The following SETD1A variants were observed in gnomAD, a reference collection of about 807,000 sequenced individuals.
The protein encoded by SETD1A is histone-lysine N-methyltransferase SETD1A.
Under a neutral mutation model 149.9 loss-of-function variants are expected in SETD1A, and 29 were observed. The observed-to-expected ratio is 0.19, with a 90% CI of 0.14 to 0.26. The LOEUF (loss-of-function observed/expected upper bound fraction) is 0.26. SETD1A is among the 10% of genes least tolerant of loss of function. The pLI is 1.00. For synonymous variants in SETD1A, 1,141 were observed against 968.5 expected (o/e 1.18, Z -3.31); for missense variants, 2,109 against 2,353.1 (o/e 0.90, Z 2.15).
Position 30,979,219 on chromosome 16 carries a change from C to A in SETD1A, c.3433C>A (p.Pro1145Thr). ...EPPAGPPAPA[P>T]RPDERPSSPI... ...ACCTGCTGGGCCCCCGGCCCCTGCC[C>A]CACGCCCCGATGAGCGTCCCTCTTC... Residue 1145 changes from proline (P) to threonine (T), a missense_variant, in exon 14 of 19, where the codon CCA (proline) becomes ACA (threonine). Pro to Thr is a conservative substitution (Grantham distance 38). Transcript: ENST00000262519. 1.3e-6 allele frequency: 2 copies of A among 1,588,180 alleles called. No homozygotes were observed. The highest frequency in any genetic ancestry group is 1.7e-6 in the Non-Finnish European group (2 of 1,166,348).
chr16:30,980,759 C>A lies in SETD1A; in HGVS notation c.4602C>A (p.Ser1534=). 6.2e-7 allele frequency: 1 copy of A among 1,612,790 alleles called. No homozygotes were observed. The highest frequency in any genetic ancestry group is 1.1e-5 in the South Asian group (1 of 91,018). Residue 1534 remains serine (S), a synonymous_variant, in exon 16 of 19, where the codon TCC becomes TCA. Coordinates refer to ENST00000262519, the MANE Select transcript of SETD1A (RefSeq NM_014712.3). The surrounding 1 kb of genome is among the most constrained non-coding windows in gnomAD (Gnocchi z 7.7). ...CACAGGGGACGAACCGCGTGCTGTC[C>A]GAGCGCCGGTCCGAGCAGCGGCGGC... is the stretch of plus-strand genomic sequence containing the variant. ...VDTQGTNRVL[S]ERRSEQRRLL...
At chr16:30,960,567 A>G (rs1023545374) in intron 3 of SETD1A, among the ~76,000 whole-genome samples, 1 of 152,078 alleles carries the variant, frequency 6.6e-6, no homozygotes, top group Non-Finnish European at 1.5e-5. Flanking sequence ...TGTGCATGTC[A>G]TGCTGCTTTT....
Position 30,971,392 on chromosome 16 carries a change from A to C in SETD1A, c.3031A>C (p.Ser1011Arg). 6.3e-7 allele frequency: 1 copy of C among 1,582,830 alleles called. No individual in the cohort carries two copies. The highest frequency in any genetic ancestry group is 8.6e-7 in the Non-Finnish European group (1 of 1,159,114). Residue 1011 changes from serine (S) to arginine (R), a missense_variant, in exon 13 of 19, where the codon AGC (serine) becomes CGC (arginine). Ser to Arg is a moderately radical substitution (Grantham distance 110). Around this residue, in one of 8 missense-constraint regions of SETD1A, gnomAD observed 832 missense variants for 815.6 expected, o/e 1.02. Transcript: ENST00000262519. ...TGGATTTCCAGGCGAGGACGAGGAA[A>C]GCGATTCGTCTTCCAAATGTTCTCT... Reference protein sequence around the residue: ...TEVSDGEDEESDSSSKCSLYA... With the variant: ...TEVSDGEDEERDSSSKCSLYA...
At chr16:30,970,197 G>T (rs2056207541) in intron 12 of SETD1A, among the ~76,000 whole-genome samples, 2 of 151,254 alleles carry the variant, frequency 1.3e-5, no homozygotes, top group Admixed American at 1.3e-4. Context: ...TTGAACTCCT[G>T]AGCTCAGGCG....
rs141016327 is a variant in SETD1A, at chr16:30,966,997, G to A, written c.2619G>A (p.Thr873=). 214 of 1,597,422 alleles carry A rather than the reference G, an allele frequency of 1.3e-4. No individual in the cohort carries two copies. The highest frequency in any genetic ancestry group is 1.6e-4 in the Non-Finnish European group (193 of 1,172,814). The part of the protein sequence containing the change: ...LVDWAKSGGT[T]GIEAFAFGSG... Reference sequence around the variant, plus strand: ...ACTGGGCCAAGAGCGGGGGCACTACGGGCATCGAGGCTTTCGCCTTTGGGT... The same window carrying A: ...ACTGGGCCAAGAGCGGGGGCACTACAGGCATCGAGGCTTTCGCCTTTGGGT... The change falls in exon 9 of 19, where the codon ACG becomes ACA. Residue 873 remains threonine, a synonymous_variant. Coordinates refer to ENST00000262519, the MANE Select transcript of SETD1A (RefSeq NM_014712.3).
chr16:30,980,273 C>G lies in SETD1A; in HGVS notation c.4408+79C>G. 6.7e-7 allele frequency: 1 copy of G among 1,485,128 alleles called. No homozygotes were observed. The highest frequency in any genetic ancestry group is 9.0e-7 in the Non-Finnish European group (1 of 1,114,436). 92.0% of individuals were successfully genotyped at this position (1,485,128 alleles called of 1,614,324 possible). On this transcript the variant is annotated intron_variant, in intron 14 of 18. Transcript: ENST00000262519. The surrounding 1 kb of genome is among the most constrained non-coding windows in gnomAD (Gnocchi z 7.7). ...CAGGCACCTGCATCTGTGCCCCACT[C>G]TGTCTGCCTCCCCTCTGGCTCCAAG...
chr16:30,958,008 G>C (rs1028339738), intron 1 of SETD1A, 44 bp downstream of exon 1: 1 of 151,868 alleles, frequency 6.6e-6, no homozygotes, highest in Non-Finnish European at 1.5e-5. Context: ...GTGGTGGTGG[G>C]GGGGCGCCGC....
rs966415115 is a variant in SETD1A, at chr16:30,979,845, A to G, written c.4059A>G (p.Gln1353=). The G allele has an allele frequency of 6.5e-7, 1 of 1,547,768 alleles. No individual in the cohort carries two copies. ...VAEAEEPKPQ[Q]LQQQREEGEE... ...AGGCGGAGGAGCCCAAGCCGCAGCA[A>G]CTGCAGCAGCAGCGGGAGGAGGGCG... is the stretch of plus-strand genomic sequence containing the variant. The change falls in exon 14 of 19, where the codon CAA becomes CAG. Residue 1353 remains glutamine, a synonymous_variant. Coordinates refer to ENST00000262519, the MANE Select transcript of SETD1A (RefSeq NM_014712.3).
rs765930435 is a variant in SETD1A at position 30,979,265 on chromosome 16, C to T, written c.3479C>T (p.Pro1160Leu). The change falls in exon 14 of 19, where the codon CCA (proline) becomes CTA (leucine). Residue 1160 changes from proline (P) to leucine (L), a missense_variant. This residue lies in a region of SETD1A where 832 missense variants were observed against 815.6 expected (regional missense o/e 1.02). Coordinates refer to ENST00000262519, the MANE Select transcript of SETD1A (RefSeq NM_014712.3). The part of the protein sequence containing the change: ...RPSSPIPLLP[P>L]PKKRRKTVSF... ...TCTTCTCCCATCCCCCTCCTGCCCC[C>T]ACCCAAGAAACGCCGGAAAACTGTC... 6.2e-7 allele frequency: 1 copy of T among 1,612,908 alleles called. No homozygotes were observed. The highest frequency in any genetic ancestry group is 8.5e-7 in the Non-Finnish European group (1 of 1,179,298).
intron 5 of SETD1A, 83 bp downstream of exon 5, chr16:30,963,637 T>G (rs2056086514): frequency 7.1e-7 from 1 of 1,416,940 alleles, no homozygotes; most frequent in Non-Finnish European, 9.4e-7. Flanking sequence ...CTTCGGGAGG[T>G]TCCGGGCTTT....
intron 3 of SETD1A, among the ~76,000 whole-genome samples, chr16:30,960,070 C>T (rs1191493799): frequency 6.6e-6 from 1 of 152,188 alleles, no homozygotes; most frequent in Non-Finnish European, 1.5e-5. Flanking sequence ...TCACCGAATC[C>T]TCCTGGCTCT....
rs755589684 is a variant in SETD1A at position 30,966,150 on chromosome 16, G to A, written c.2269G>A (p.Glu757Lys). The A allele has an allele frequency of 5.6e-6, 9 of 1,606,032 alleles. No homozygotes were observed. Among genetic ancestry groups the A allele is most frequent in the East Asian group, 4.5e-5 (2 of 44,756 alleles). The change falls in exon 8 of 19, where the codon GAG becomes AAG. Residue 757 changes from glutamate to lysine, a missense_variant. Physicochemically the swap from Glu to Lys is moderately conservative, Grantham distance 56. Transcript: ENST00000262519. The stretch of plus-strand genomic sequence containing the variant: ...CCACCTGCCCATGCCAATGGCAGCC[G>A]AGCCCCTGCCCTCCTCCTCAGTCTC... ...AYHLPMPMAA[E>K]PLPSSSVSGE...
At chr16:30,966,713 C>T (rs994152956) in intron 8 of SETD1A, among the ~76,000 whole-genome samples, 171 bp from the exon 9 acceptor site, 3 of 152,096 alleles carry the variant, frequency 2.0e-5, no homozygotes, top group South Asian at 2.1e-4. Context: ...GACTGGTGGG[C>T]GAAATGACAG....
chr16:30,980,534 C>T lies in SETD1A; in HGVS notation c.4458C>T (p.Pro1486=). 6.2e-7 allele frequency: 1 copy of T among 1,614,170 alleles called. No homozygotes were observed. The highest frequency in any genetic ancestry group is 1.6e-4 in the Middle Eastern group (1 of 6,062). The change falls in exon 15 of 19, where the codon CCC becomes CCT. Residue 1486 remains proline, a synonymous_variant. Coordinates refer to ENST00000262519, the MANE Select transcript of SETD1A (RefSeq NM_014712.3). The surrounding 1 kb of genome is among the most constrained non-coding windows in gnomAD (Gnocchi z 7.7). ...PKRKRRPQDG[P]REHQTGSARS... is the part of the protein sequence containing the mutation. The stretch of plus-strand genomic sequence containing the variant: ...GCAAGCGGCGGCCCCAGGATGGGCC[C>T]CGGGAGCACCAGACAGGCTCAGCCC...
Position 30,979,233 on chromosome 16 carries a change from G to A in SETD1A, c.3447G>A (p.Glu1149=), listed in dbSNP as rs772406013. The part of the protein sequence containing the change: ...GPPAPAPRPD[E]RPSSPIPLLP... The stretch of plus-strand genomic sequence containing the variant: ...CGGCCCCTGCCCCACGCCCCGATGA[G>A]CGTCCCTCTTCTCCCATCCCCCTCC... The change falls in exon 14 of 19, where the codon GAG becomes GAA. Residue 1149 remains glutamate (E), a synonymous_variant. Coordinates refer to ENST00000262519, the MANE Select transcript of SETD1A (RefSeq NM_014712.3). 4.4e-5 allele frequency: 70 copies of A among 1,591,400 alleles called. No individual in the cohort carries two copies. Among genetic ancestry groups the A allele is most frequent in the Non-Finnish European group, 5.4e-5 (63 of 1,167,392 alleles).
At chr16:30,965,550 T>C (rs2056128463) in intron 7 of SETD1A, 51 bp from the exon 8 acceptor site, 2 of 1,595,792 alleles carry the variant, frequency 1.3e-6, no homozygotes, top group Non-Finnish European at 8.5e-7. Context: ...GATGAGAAAG[T>C]AGGGCTTGGG....
intron 13 of SETD1A, among the ~76,000 whole-genome samples, chr16:30,974,521 G>A (rs2056261381): frequency 6.6e-6 from 1 of 152,104 alleles, no homozygotes; most frequent in African/African-American, 2.4e-5. Context: ...TGCAAAGCAG[G>A]GAGTGGCCTT....
intron 17 of SETD1A, among the ~76,000 whole-genome samples, chr16:30,981,673 C>G (rs1166343911): frequency 1.3e-5 from 2 of 152,248 alleles, no homozygotes; most frequent in Non-Finnish European, 1.5e-5. Context: ...TCGCATCCAG[C>G]CAAGCGCTGC....
At chr16:30,970,893 C>T (rs932728789) in intron 12 of SETD1A, among the ~76,000 whole-genome samples, 3 of 152,210 alleles carry the variant, frequency 2.0e-5, no homozygotes, top group African/African-American at 7.2e-5. Context: ...TTTTTCGAGT[C>T]CTTCCCGTAC....
Sources: allele counts gnomAD v4.1 joint callset (sites outside exome capture counted in the v4.1 genomes callset), GRCh38; gene constraint gnomAD v4.1.1; regional missense constraint gnomAD v4.1.1; non-coding constraint Gnocchi (gnomAD v3.1); transcripts MANE v1.5; gene names NCBI Gene and HGNC (gene_info 2026-07-23, HGNC 2026-07-21).